The following RTN4 variants were observed in gnomAD, a reference collection of about 807,000 sequenced individuals.
The protein encoded by RTN4 is reticulon-4.
Under a neutral mutation model 90.4 loss-of-function variants are expected in RTN4, and 32 were observed. The observed-to-expected ratio is 0.35, with a 90% CI of 0.27 to 0.48. The LOEUF (loss-of-function observed/expected upper bound fraction) is 0.48, where lower values mean the gene tolerates loss of function less well. RTN4 is among the 20% of genes least tolerant of loss of function. The pLI is 0.99. For missense variants in RTN4, 1,706 were observed against 1,430.2 expected (o/e 1.19, Z -3.11); for synonymous variants, 629 against 552.5 (o/e 1.14, Z -1.94).
intron 1 of RTN4, among the ~76,000 whole-genome samples, chr2:55,044,936 G>C (rs1683322699): frequency 1.3e-5 from 2 of 151,848 alleles, no homozygotes; most frequent in African/African-American, 4.8e-5. Context: ...AAATTATTCA[G>C]AATCACAAAA....
At position 55,050,332 on chromosome 2, in the gene RTN4, T is replaced by C. The variant is rs1553447951; in HGVS notation, c.-32A>G. 4 of 1,314,084 alleles carry C rather than the reference T, an allele frequency of 3.0e-6. No homozygotes were observed. Among genetic ancestry groups the C allele is most frequent in the East Asian group, 2.8e-5 (1 of 35,378 alleles). The allele number at this position is 1,314,084 out of a possible 1,614,324, so 81.4% of individuals were successfully genotyped here. A position where few individuals can be genotyped will look rare whatever the true frequency, so the allele number is the denominator to read the frequency against. ...AGGGTGGAGATGATGCTGCAGCTGCTGCCGCCGCCGCCGGGGCCGCGTCTC... is the reference window on the plus strand; with the variant it reads ...AGGGTGGAGATGATGCTGCAGCTGCCGCCGCCGCCGCCGGGGCCGCGTCTC... On this transcript the variant is annotated 5_prime_UTR_variant, in exon 1 of 9. Coordinates refer to ENST00000337526, the MANE Select transcript of RTN4 (RefSeq NM_020532.5). This position sits in a 1 kb window ranked among gnomAD's most constrained non-coding sequence, Gnocchi z 4.6.
intron 3 of RTN4, among the ~76,000 whole-genome samples, chr2:54,998,389 A>G (rs1244296883): frequency 6.6e-6 from 1 of 152,200 alleles, no homozygotes; most frequent in Non-Finnish European, 1.5e-5. Flanking sequence ...AGAAAGCCAA[A>G]AACAACTAAA....
At chr2:55,047,694 A>C (rs1349874969) in intron 1 of RTN4, among the ~76,000 whole-genome samples, 1 of 152,182 alleles carries the variant, frequency 6.6e-6, no homozygotes, top group East Asian at 1.9e-4. Context: ...TTTATACATA[A>C]AGGTCCTACT....
At chr2:55,042,648 T>C (rs1395038470) in intron 1 of RTN4, among the ~76,000 whole-genome samples, 1 of 152,192 alleles carries the variant, frequency 6.6e-6, no homozygotes, top group Non-Finnish European at 1.5e-5. Flanking sequence ...TGTTACCTTG[T>C]ATACATAAAT....
chr2:54,997,799 C>T (rs887728905), intron 3 of RTN4, among the ~76,000 whole-genome samples: 2 of 152,114 alleles, frequency 1.3e-5, no homozygotes, highest in Non-Finnish European at 2.9e-5. Context: ...TTGAGAAAGA[C>T]ACCACATTCA....
At chr2:55,008,713 A>G (rs1382483000) in intron 3 of RTN4, among the ~76,000 whole-genome samples, 2 of 152,172 alleles carry the variant, frequency 1.3e-5, no homozygotes, top group African/African-American at 2.4e-5. Context: ...ACTTCAACAA[A>G]TAAAGAACTT....
chr2:55,081,061 C>T (rs1668704621), intron 1 of RTN4, among the ~76,000 whole-genome samples: 1 of 151,574 alleles, frequency 6.6e-6, no homozygotes, highest in South Asian at 2.1e-4. Context: ...TTCTTTCTTT[C>T]ATTCTTTCAT....
intron 3 of RTN4, among the ~76,000 whole-genome samples, chr2:55,015,448 C>A (rs927642314): frequency 3.9e-5 from 6 of 152,124 alleles, no homozygotes; most frequent in Admixed American, 3.9e-4. Flanking sequence ...AACTAAAAAT[C>A]TTTTAGAAAA....
chr2:55,024,606 C>T (rs1681681267), intron 3 of RTN4, among the ~76,000 whole-genome samples: 1 of 152,100 alleles, frequency 6.6e-6, no homozygotes, highest in African/African-American at 2.4e-5. Context: ...AAAATGTCTA[C>T]ACTCAATATG....
At chr2:55,064,200 G>A (rs1668350734) in intron 2 of RTN4, among the ~76,000 whole-genome samples, 1 of 52,134 alleles carries the variant, frequency 1.9e-5, no homozygotes, top group South Asian at 5.3e-4. Context: ...GCAAGACCAT[G>A]TCTTAAAAAA....
chr2:55,016,781 TGATA>T (rs1681077271), intron 3 of RTN4, among the ~76,000 whole-genome samples: 2 of 152,304 alleles, frequency 1.3e-5, no homozygotes, highest in South Asian at 4.1e-4. Flanking sequence ...CTAACTTCAC[TGATA>T]GTTATCAAGT....
At chr2:55,004,236 C>T (rs1180585811) in intron 3 of RTN4, among the ~76,000 whole-genome samples, 1 of 152,142 alleles carries the variant, frequency 6.6e-6, no homozygotes, top group South Asian at 2.1e-4. Flanking sequence ...AAGTATACGA[C>T]ATTCAATAAC....
intron 1 of RTN4, among the ~76,000 whole-genome samples, chr2:55,043,947 G>T (rs1352194617): frequency 1.3e-5 from 2 of 152,078 alleles, no homozygotes; most frequent in South Asian, 2.1e-4. Context: ...GGTGGCTCAC[G>T]CCTGTAAACC....
At chr2:55,122,980 AT>A in the RTN4 span, among the ~76,000 whole-genome samples, 2 of 152,276 alleles carry the variant, frequency 1.3e-5, no homozygotes, top group African/African-American at 4.8e-5. Flanking sequence ...AGTTATTAGA[AT>A]TCTCCAAAGA....
At chr2:55,020,150 A>G (rs1308449759) in intron 3 of RTN4, among the ~76,000 whole-genome samples, 3 of 152,218 alleles carry the variant, frequency 2.0e-5, no homozygotes, top group Admixed American at 6.5e-5. Flanking sequence ...TACAGATTCA[A>G]TGCAATCCCT....
At chr2:55,119,361 G>C in the RTN4 span, among the ~76,000 whole-genome samples, 8 of 152,298 alleles carry the variant, frequency 5.3e-5, no homozygotes, top group African/African-American at 1.9e-4. Flanking sequence ...ACGATGGATA[G>C]GGTGAATTTC....
At chr2:55,078,349 C>A (rs1015453331) in intron 2 of RTN4, among the ~76,000 whole-genome samples, 1 of 152,070 alleles carries the variant, frequency 6.6e-6, no homozygotes, top group East Asian at 1.9e-4. Flanking sequence ...AGTGATCCTC[C>A]CACCTCAGCC....
At chr2:55,126,654 G>A in the RTN4 span, among the ~76,000 whole-genome samples, 27 of 152,258 alleles carry the variant, frequency 1.8e-4, no homozygotes, top group South Asian at 5.0e-3. Context: ...ACTACCATTC[G>A]ACCCAGCAAT....
intron 3 of RTN4, among the ~76,000 whole-genome samples, chr2:54,996,324 T>C (rs1265997512): frequency 1.3e-5 from 2 of 152,066 alleles, no homozygotes; most frequent in Non-Finnish European, 1.5e-5. Context: ...TTAGCGAAAA[T>C]TGACATGCCA....
Sources: allele counts gnomAD v4.1 joint callset (sites outside exome capture counted in the v4.1 genomes callset), GRCh38; gene constraint gnomAD v4.1.1; non-coding constraint Gnocchi (gnomAD v3.1); transcripts MANE v1.5; gene names NCBI Gene and HGNC (gene_info 2026-07-23, HGNC 2026-07-21).